ATG14: variants seen among roughly 807,000 people sequenced by gnomAD.
The protein encoded by ATG14 is autophagy related 14.
A neutral mutation model predicts 60.4 loss-of-function variants in ATG14; 35 were observed. That is an observed-to-expected ratio of 0.58 (90% CI 0.44 to 0.77). The LOEUF (loss-of-function observed/expected upper bound fraction) is 0.77, where lower values mean the gene tolerates loss of function less well. ATG14 is among the 30% of genes least tolerant of loss of function. ATG14 has a pLI of 0.00. For synonymous variants in ATG14, 234 were observed against 228.8 expected (o/e 1.02, Z -0.21); for missense variants, 647 against 626.3 (o/e 1.03, Z -0.35).
intron 7 of ATG14, among the ~76,000 whole-genome samples, chr14:55,379,104 T>C (rs571554403): frequency 6.6e-6 from 1 of 152,294 alleles, no homozygotes; most frequent in Admixed American, 6.5e-5. Context: ...TCCATGAAAA[T>C]GTGAGCTCCA....
chr14:55,391,001 A>G lies in ATG14; in HGVS notation c.328-9T>C, dbSNP rs199820827. On this transcript the variant is annotated splice_polypyrimidine_tract_variant and intron_variant, in intron 3 of 9. Coordinates refer to ENST00000247178, the MANE Select transcript of ATG14 (RefSeq NM_014924.5). ...GACATTATTTTCCATCTCTGAAAAA[A>G]GCATGTAATAAATATCACAAACGTT... The G allele has an allele frequency of 4.3e-5, 69 of 1,593,106 alleles. No homozygotes were observed. Among genetic ancestry groups the G allele is most frequent in the Admixed American group, 1.5e-4 (9 of 58,420 alleles).
intron 4 of ATG14, 21 bp from the exon 5 acceptor site, chr14:55,386,117 C>A: frequency 1.3e-6 from 2 of 1,583,936 alleles, no homozygotes; most frequent in South Asian, 2.3e-5. Flanking sequence ...TAAATCACAC[C>A]CAACAATTAT....
chr14:55,407,330 C>T (rs1206084296), intron 1 of ATG14, among the ~76,000 whole-genome samples: 2 of 152,168 alleles, frequency 1.3e-5, no homozygotes, highest in Non-Finnish European at 2.9e-5. Context: ...GAGGTTTCAC[C>T]ATGTTGGCCA....
rs549593312 is a variant in ATG14, at chr14:55,372,433, T to C, written c.1173-2508A>G. Reference sequence around the variant, plus strand: ...ATGCTCTGATTCTGTTCTGTTCAGCTGTGCAGTCTAGGGGACCTCAGAACT... The same window carrying C: ...ATGCTCTGATTCTGTTCTGTTCAGCCGTGCAGTCTAGGGGACCTCAGAACT... On this transcript the variant is annotated intron_variant, in intron 9 of 9. Coordinates refer to ENST00000247178, the MANE Select transcript of ATG14 (RefSeq NM_014924.5). 1.8e-4 allele frequency among the ~76,000 whole-genome samples: 28 copies of C among 152,316 alleles called. No individual in the cohort carries two copies. In the East Asian group the frequency reaches 4.6e-3, roughly 25 times the overall value.
At chr14:55,407,242 C>T (rs1385354718) in intron 1 of ATG14, among the ~76,000 whole-genome samples, 1 of 152,214 alleles carries the variant, frequency 6.6e-6, no homozygotes, top group Non-Finnish European at 1.5e-5. Flanking sequence ...AAGTCTCCTG[C>T]CTCAGCCTCC....
intron 6 of ATG14, among the ~76,000 whole-genome samples, chr14:55,380,972 G>C (rs1181234751): frequency 4.7e-5 from 7 of 149,568 alleles, no homozygotes; most frequent in African/African-American, 1.7e-4. Context: ...GTGTGAACCT[G>C]ATAACGTAAT....
At chr14:55,402,926 AATATAT>A (rs71131262) in intron 1 of ATG14, among the ~76,000 whole-genome samples, 364 of 16,382 alleles carry the variant, frequency 0.022, 6 homozygotes, top group African/African-American at 0.062. Flanking sequence ...AAAAAAAAAA[AATATAT>A]ATATATATAT....
intron 5 of ATG14, among the ~76,000 whole-genome samples, chr14:55,385,177 T>C (rs1199291816): frequency 6.6e-6 from 1 of 152,238 alleles, no homozygotes; most frequent in East Asian, 1.9e-4. Context: ...GAAAAAGGCA[T>C]TTTTAAATCC....
intron 1 of ATG14, among the ~76,000 whole-genome samples, chr14:55,408,700 G>A (rs1288673815): frequency 6.6e-6 from 1 of 152,190 alleles, no homozygotes; most frequent in African/African-American, 2.4e-5. Flanking sequence ...GAGCCCAGGA[G>A]TCTGAGGCTG....
intron 3 of ATG14, among the ~76,000 whole-genome samples, 199 bp downstream of exon 3, chr14:55,395,741 T>G (rs1375602224): frequency 6.6e-6 from 1 of 152,230 alleles, no homozygotes; most frequent in Non-Finnish European, 1.5e-5. Flanking sequence ...AATTATCCTT[T>G]ACAATGGCTC....
intron 3 of ATG14, 60 bp downstream of exon 3, chr14:55,395,879 TA>T: frequency 8.2e-7 from 1 of 1,214,888 alleles, no homozygotes; most frequent in Non-Finnish European, 1.1e-6. Context: ...AATAATTTTA[TA>T]AGCTCTACCA....
chr14:55,389,031 G>A (rs1885170748), intron 4 of ATG14, among the ~76,000 whole-genome samples: 1 of 152,080 alleles, frequency 6.6e-6, no homozygotes, highest in Non-Finnish European at 1.5e-5. Flanking sequence ...TAGATCCTAG[G>A]GTTCTCTCTC....
At chr14:55,384,399 T>G (rs1413796999) in intron 5 of ATG14, among the ~76,000 whole-genome samples, 1 of 152,236 alleles carries the variant, frequency 6.6e-6, no homozygotes, top group East Asian at 1.9e-4. Context: ...TAATCAGCAC[T>G]GCTACAACAC....
chr14:55,410,966 T>C (rs1885561295), intron 1 of ATG14, among the ~76,000 whole-genome samples: 1 of 152,188 alleles, frequency 6.6e-6, no homozygotes. Context: ...CTAAAGGCAA[T>C]TCTCTTAACT....
intron 1 of ATG14, among the ~76,000 whole-genome samples, chr14:55,400,478 T>G (rs778794636): frequency 2.0e-4 from 31 of 152,216 alleles, no homozygotes; most frequent in Admixed American, 3.9e-4. Context: ...CCATATAATT[T>G]ATTTATATAA....
At chr14:55,370,667 A>G (rs968256716) in intron 9 of ATG14, among the ~76,000 whole-genome samples, 1 of 151,510 alleles carries the variant, frequency 6.6e-6, no homozygotes, top group Non-Finnish European at 1.5e-5. Flanking sequence ...ATTTAGACAG[A>G]GTCTCGTTCT....
rs1210817455 is a variant in ATG14 at position 55,367,718 on chromosome 14, T to G, written c.*1901A>C. 4 of 150,842 alleles carry G rather than the reference T, an allele frequency of 2.7e-5. No individual in the cohort carries two copies. Among genetic ancestry groups the G allele is most frequent in the African/African-American group, 9.8e-5 (4 of 40,970 alleles). The allele number at this position is 150,842 out of a possible 1,614,324, so 9.3% of individuals were successfully genotyped here. ...GAGATGGTGCCACTACACTCCAGCCTGGGCAGCTGAGTGAGACTCCGTCTC... is the reference window on the plus strand; with the variant it reads ...GAGATGGTGCCACTACACTCCAGCCGGGGCAGCTGAGTGAGACTCCGTCTC... On this transcript the variant is annotated 3_prime_UTR_variant, in exon 10 of 10. Coordinates refer to ENST00000247178, the MANE Select transcript of ATG14 (RefSeq NM_014924.5).
chr14:55,397,503 C>T, intron 1 of ATG14, 69 bp from the exon 2 acceptor site: 3 of 1,215,120 alleles, frequency 2.5e-6, no homozygotes, highest in Non-Finnish European at 3.6e-6. Context: ...TATGCAAATT[C>T]CCAAGAACCA....
intron 3 of ATG14, among the ~76,000 whole-genome samples, chr14:55,391,753 C>T (rs576410111): frequency 1.1e-4 from 17 of 152,296 alleles, no homozygotes; most frequent in African/African-American, 3.1e-4. Context: ...AGCATCATCA[C>T]GCAAAGTCCT....
Sources: gnomAD v4.1 joint callset for allele counts (sites outside exome capture counted in the v4.1 genomes callset) on GRCh38, gnomAD v4.1.1 for gene constraint, MANE v1.5 for transcripts, NCBI Gene and HGNC (gene_info 2026-07-23, HGNC 2026-07-21) for gene names.